The following PCSK2 variants were observed in gnomAD, a reference collection of about 807,000 sequenced individuals.
The protein encoded by PCSK2 is neuroendocrine convertase 2.
In PCSK2, 14 loss-of-function variants were observed where a neutral mutation model predicts 69.7. The ratio of observed to expected loss-of-function variants is 0.20; its 90% CI spans 0.13 to 0.31. PCSK2 has a LOEUF of 0.31. PCSK2 is among the 10% of genes least tolerant of loss of function. The pLI is 1.00. For synonymous variants in PCSK2, 307 were observed against 320.7 expected (o/e 0.96, Z 0.46); for missense variants, 544 against 842.5 (o/e 0.65, Z 4.39).
At chr20:17,410,410 G>C (rs2031843394) in intron 6 of PCSK2, among the ~76,000 whole-genome samples, 1 of 152,184 alleles carries the variant, frequency 6.6e-6, no homozygotes, top group Non-Finnish European at 1.5e-5. Flanking sequence ...CTTAGATTCT[G>C]TCTCTAAAGT....
At chr20:17,264,467 A>G (rs1987514610) in intron 2 of PCSK2, among the ~76,000 whole-genome samples, 1 of 152,172 alleles carries the variant, frequency 6.6e-6, no homozygotes, top group Non-Finnish European at 1.5e-5. Context: ...TAGAAGCTAT[A>G]TCTTTCTAGC....
At chr20:17,443,353 G>C (rs1368709585) in intron 8 of PCSK2, among the ~76,000 whole-genome samples, 1 of 152,206 alleles carries the variant, frequency 6.6e-6, no homozygotes, top group Non-Finnish European at 1.5e-5. Context: ...GCAGGAAAGT[G>C]ACGTCCCTAC....
intron 2 of PCSK2, among the ~76,000 whole-genome samples, chr20:17,323,213 A>T (rs1286678205): frequency 6.6e-6 from 1 of 152,186 alleles, no homozygotes; most frequent in Non-Finnish European, 1.5e-5. Flanking sequence ...GTTACAACAC[A>T]TGAATTCTGA....
intron 8 of PCSK2, among the ~76,000 whole-genome samples, chr20:17,448,339 G>C (rs2032738766): frequency 6.6e-6 from 1 of 152,154 alleles, no homozygotes; most frequent in East Asian, 1.9e-4. Flanking sequence ...TCAAATGTAG[G>C]CAATGCGCTG....
At chr20:17,443,249 G>C (rs1017233629) in intron 8 of PCSK2, among the ~76,000 whole-genome samples, 1 of 152,196 alleles carries the variant, frequency 6.6e-6, no homozygotes, top group Non-Finnish European at 1.5e-5. Flanking sequence ...CCAGTCTGCT[G>C]TTGAAATTCA....
In PCSK2 at chr20:17,343,296, G is replaced by A. The variant is rs116289049; in HGVS notation, c.283-15031G>A. ...GATAGTTAAAAAGCCCATCTTAAATGTTTGTGGAAATGAATGGAATTGGAT... is the reference window on the plus strand; with the variant it reads ...GATAGTTAAAAAGCCCATCTTAAATATTTGTGGAAATGAATGGAATTGGAT... On this transcript the variant is annotated intron_variant, in intron 2 of 11. Transcript: ENST00000262545. 1.7e-3 allele frequency among the ~76,000 whole-genome samples: 252 copies of A among 152,316 alleles called. 1 individual carries two copies. The highest frequency in any genetic ancestry group is 5.9e-3 in the African/African-American group (245 of 41,572).
chr20:17,246,472 G>T (rs556031432), intron 1 of PCSK2, among the ~76,000 whole-genome samples: 1 of 152,036 alleles, frequency 6.6e-6, no homozygotes, highest in Non-Finnish European at 1.5e-5. Flanking sequence ...ATCAGTCTTC[G>T]ATAGTAAGTC....
chr20:17,472,984 A>G (rs772367983), intron 11 of PCSK2, among the ~76,000 whole-genome samples: 1 of 152,152 alleles, frequency 6.6e-6, no homozygotes, highest in Non-Finnish European at 1.5e-5. Flanking sequence ...ATGATACACA[A>G]TAAAATAAAG....
chr20:17,302,855 G>A (rs1600469045), intron 2 of PCSK2, among the ~76,000 whole-genome samples: 2 of 152,232 alleles, frequency 1.3e-5, no homozygotes, highest in East Asian at 3.9e-4. Context: ...TGTTATTCTT[G>A]TCTCCTGTTT....
At chr20:17,480,969 AG>A (rs2033389351) in intron 11 of PCSK2, among the ~76,000 whole-genome samples, 1 of 152,198 alleles carries the variant, frequency 6.6e-6, no homozygotes, top group African/African-American at 2.4e-5. Context: ...GGTGGGAAGC[AG>A]TGGACGTGCA....
At chr20:17,254,153 G>A (rs146485978) in intron 1 of PCSK2, among the ~76,000 whole-genome samples, 258 of 152,246 alleles carry the variant, frequency 1.7e-3, no homozygotes, top group Non-Finnish European at 2.7e-3. Flanking sequence ...TCTCCAATCT[G>A]TGGGTTGTCT....
Position 17,374,334 on chromosome 20 carries a change from C to T in PCSK2, c.543+5057C>T, listed in dbSNP as rs118047609. Among the ~76,000 whole-genome samples the T allele has an allele frequency of 4.3e-3, 648 of 152,246 alleles. 7 individuals carry two copies. Among genetic ancestry groups the T allele is most frequent in the Middle Eastern group, 0.024 (7 of 294 alleles). ...AGGATTGCAGGCTGGGTTCACAGTACGGGCCCAAGCTCAGGGGTTCTGTTA... is the reference window on the plus strand; with the variant it reads ...AGGATTGCAGGCTGGGTTCACAGTATGGGCCCAAGCTCAGGGGTTCTGTTA... On this transcript the variant is annotated intron_variant, in intron 5 of 11. Transcript: ENST00000262545.
intron 2 of PCSK2, among the ~76,000 whole-genome samples, chr20:17,282,100 AC>A (rs1234030291): frequency 6.6e-6 from 1 of 152,108 alleles, no homozygotes; most frequent in East Asian, 1.9e-4. Context: ...CACTGGGGGC[AC>A]CCATTTTGCT....
At chr20:17,263,011 G>A (rs1987450703) in intron 2 of PCSK2, 1 of 220,320 alleles carries the variant, frequency 4.5e-6, no homozygotes, top group South Asian at 1.6e-4. Flanking sequence ...ACAGGCTTGT[G>A]GTAAGGAACA....
intron 5 of PCSK2, among the ~76,000 whole-genome samples, chr20:17,396,481 G>A (rs1200889179): frequency 6.6e-5 from 10 of 152,134 alleles, no homozygotes; most frequent in African/African-American, 9.7e-5. Flanking sequence ...TTAAACCCAC[G>A]TCTTTTCTAT....
At chr20:17,468,704 C>T (rs1222267441) in intron 11 of PCSK2, among the ~76,000 whole-genome samples, 2 of 149,522 alleles carry the variant, frequency 1.3e-5, no homozygotes, top group Admixed American at 6.7e-5. Context: ...CACCATAGGT[C>T]AGCACCCTCC....
At chr20:17,311,397 G>T (rs1051019451) in intron 2 of PCSK2, among the ~76,000 whole-genome samples, 1 of 151,854 alleles carries the variant, frequency 6.6e-6, no homozygotes, top group Non-Finnish European at 1.5e-5. Context: ...AAAAATTTAG[G>T]CACCTATAAC....
rs186574057 is a variant in PCSK2, at chr20:17,470,626, G to A, written c.1430+5073G>A. ...TGCTGCTAAGAACTTCTCTCGGAAA[G>A]TCACTGGGATAGCACTTTATTCCAC... On this transcript the variant is annotated intron_variant, in intron 11 of 11. Coordinates refer to ENST00000262545, the MANE Select transcript of PCSK2 (RefSeq NM_002594.5). 4.3e-4 allele frequency among the ~76,000 whole-genome samples: 65 copies of A among 152,336 alleles called. No homozygotes were observed. In the Middle Eastern group the frequency reaches 0.01, roughly 24 times the overall value.
intron 6 of PCSK2, among the ~76,000 whole-genome samples, chr20:17,425,545 C>T (rs999234481): frequency 6.6e-6 from 1 of 152,142 alleles, no homozygotes; most frequent in African/African-American, 2.4e-5. Flanking sequence ...CGAGTAGGAT[C>T]TAATAAAATT....
Sources: allele counts gnomAD v4.1 joint callset (sites outside exome capture counted in the v4.1 genomes callset), GRCh38; gene constraint gnomAD v4.1.1; transcripts MANE v1.5; gene names NCBI Gene and HGNC (gene_info 2026-07-23, HGNC 2026-07-21).